The following MAPK14 variants were observed in gnomAD, a reference collection of about 807,000 sequenced individuals.
MAPK14 encodes the protein CSAID-binding protein.
In MAPK14, 16 loss-of-function variants were observed where a neutral mutation model predicts 49.6. The ratio of observed to expected loss-of-function variants is 0.32; its 90% CI spans 0.22 to 0.49. MAPK14 has a LOEUF of 0.49. MAPK14 is among the 20% of genes least tolerant of loss of function. The probability of loss-of-function intolerance (pLI) is 0.99; values close to 1 mark genes in which losing one functional copy is unlikely to be tolerated. For missense variants in MAPK14, 200 were observed against 441.2 expected, an observed-to-expected ratio of 0.45 and a Z score of 4.90; for synonymous variants, 142 against 158.0, an observed-to-expected ratio of 0.90 and a Z score of 0.76.
At chr6:36,044,766 T>C (rs888895062) in intron 1 of MAPK14, among the ~76,000 whole-genome samples, 2 of 152,110 alleles carry the variant, frequency 1.3e-5, no homozygotes, top group Non-Finnish European at 2.9e-5. Context: ...CCAGTCATCT[T>C]TGGAGGATTG....
chr6:36,119,554 T>C, the MAPK14 span, among the ~76,000 whole-genome samples: 12 of 152,310 alleles, frequency 7.9e-5, no homozygotes, highest in Non-Finnish European at 1.8e-4. Context: ...CTGCAGTATG[T>C]ATTCATGCAA....
At chr6:36,055,956 G>A (rs913114988) in intron 2 of MAPK14, among the ~76,000 whole-genome samples, 5 of 152,044 alleles carry the variant, frequency 3.3e-5, no homozygotes, top group Non-Finnish European at 5.9e-5. Context: ...CTTTGATTTA[G>A]CATGGGTAGT....
chr6:36,067,460 T>A (rs184283691), intron 3 of MAPK14, among the ~76,000 whole-genome samples: 5 of 151,192 alleles, frequency 3.3e-5, no homozygotes, highest in African/African-American at 1.2e-4. Flanking sequence ...AGTGATAGAA[T>A]GAGTGAATAA....
In MAPK14 at chr6:36,076,387, A is replaced by G; in HGVS notation, c.611-150A>G. The G allele has an allele frequency of 6.1e-6, 4 of 656,422 alleles. No individual in the cohort carries two copies. The South Asian group carries it at 7.5e-5, about 12-fold the overall frequency. The allele number at this position is 656,422 out of a possible 1,614,324, so 40.7% of individuals were successfully genotyped here. On this transcript the variant is annotated intron_variant, in intron 7 of 11. Transcript: ENST00000229794. Reference sequence around the variant, plus strand: ...AGTCAGGTGAAGATCTTAGTAAGCTATTTATTTCTGTAAAAATGAGTATGA... The same window carrying G: ...AGTCAGGTGAAGATCTTAGTAAGCTGTTTATTTCTGTAAAAATGAGTATGA...
intron 8 of MAPK14, among the ~76,000 whole-genome samples, chr6:36,079,705 C>G (rs555210636): frequency 2.0e-5 from 3 of 152,026 alleles, no homozygotes; most frequent in Non-Finnish European, 4.4e-5. Flanking sequence ...GTGGTTTGGG[C>G]TTGTAAGTAA....
At chr6:36,093,132 G>A (rs1307411756) in intron 8 of MAPK14, among the ~76,000 whole-genome samples, 1 of 152,144 alleles carries the variant, frequency 6.6e-6, no homozygotes, top group East Asian at 1.9e-4. Flanking sequence ...TGGTTTATGA[G>A]TACATAAATA....
Position 36,076,353 on chromosome 6 carries a change from C to T in MAPK14, c.611-184C>T, listed in dbSNP as rs372079027. On this transcript the variant is annotated intron_variant, in intron 7 of 11. Transcript: ENST00000229794. ...TGTTTTGACTTACCCCACCTTTGAACAGCCCTTTAGTCAGGTGAAGATCTT... is the reference window on the plus strand; with the variant it reads ...TGTTTTGACTTACCCCACCTTTGAATAGCCCTTTAGTCAGGTGAAGATCTT... Among the ~76,000 whole-genome samples, 180 of 152,292 alleles carry T rather than the reference C, an allele frequency of 1.2e-3. 3 individuals carry two copies. The South Asian group carries it at 0.036, about 30-fold the overall frequency.
chr6:36,093,457 C>T (rs369993416), intron 8 of MAPK14, among the ~76,000 whole-genome samples: 7 of 152,140 alleles, frequency 4.6e-5, no homozygotes, highest in Non-Finnish European at 7.4e-5. Context: ...CGGTGGCTCA[C>T]GCCTGTAATC....
intron 9 of MAPK14, 71 bp from the exon 10 acceptor site, chr6:36,102,500 G>T: frequency 8.5e-7 from 1 of 1,178,308 alleles, no homozygotes; most frequent in South Asian, 1.2e-5. Flanking sequence ...TCCTTAGCAG[G>T]ACCAAGATTC....
chr6:36,057,971 A>AT (rs1373788875), intron 2 of MAPK14, among the ~76,000 whole-genome samples: 1 of 152,176 alleles, frequency 6.6e-6, no homozygotes, highest in Non-Finnish European at 1.5e-5. Flanking sequence ...CTTTGTAGAA[A>AT]TGAATGGCCT....
At chr6:36,071,582 T>C (rs1456657802) in intron 3 of MAPK14, among the ~76,000 whole-genome samples, 1 of 152,134 alleles carries the variant, frequency 6.6e-6, no homozygotes, top group Non-Finnish European at 1.5e-5. Context: ...CTCCTTCCTT[T>C]AAGGTAAATG....
At chr6:36,065,519 T>TGTGTGTGTGTGTGTGTGTGA (rs1764017812) in intron 3 of MAPK14, among the ~76,000 whole-genome samples, 5 of 150,216 alleles carry the variant, frequency 3.3e-5, no homozygotes, top group African/African-American at 1.2e-4. Flanking sequence ...TGTGTGTGTG[T>TGTGTGTGTGTGTGTGTGTGA]GTGTGTGTGT....
the MAPK14 span, among the ~76,000 whole-genome samples, chr6:36,117,079 G>A: frequency 1.3e-5 from 2 of 152,290 alleles, no homozygotes; most frequent in South Asian, 4.1e-4. Flanking sequence ...CCAAATTGGG[G>A]AGGAGTCCCT....
chr6:36,030,327 A>G (rs1308871229), intron 1 of MAPK14, among the ~76,000 whole-genome samples: 1 of 152,226 alleles, frequency 6.6e-6, no homozygotes, highest in East Asian at 1.9e-4. Context: ...ACTTAAAAGT[A>G]CTTTTATTTT....
chr6:36,074,933 T>A (rs1439536689), intron 6 of MAPK14, among the ~76,000 whole-genome samples: 7 of 151,212 alleles, frequency 4.6e-5, no homozygotes, highest in African/African-American at 1.5e-4. Context: ...TGGATTACTT[T>A]AAAAAGTTTA....
the MAPK14 span, among the ~76,000 whole-genome samples, chr6:36,117,699 G>A: frequency 6.6e-6 from 1 of 152,200 alleles, no homozygotes; most frequent in South Asian, 2.1e-4. Context: ...GTGGGGCTGT[G>A]AGGACTAAAT....
intron 8 of MAPK14, 160 bp downstream of exon 8, chr6:36,076,768 T>C: frequency 2.1e-6 from 1 of 476,246 alleles, no homozygotes; most frequent in Non-Finnish European, 3.7e-6. Flanking sequence ...GTAGCTTGCC[T>C]TGCCAAGAAA....
chr6:36,099,972 T>C (rs1765576436), intron 9 of MAPK14, among the ~76,000 whole-genome samples: 1 of 152,182 alleles, frequency 6.6e-6, no homozygotes, highest in Admixed American at 6.5e-5. Flanking sequence ...AAGTAATTTT[T>C]CTTATCTGCA....
intron 8 of MAPK14, among the ~76,000 whole-genome samples, chr6:36,090,631 T>TTC (rs1312649790): frequency 6.6e-6 from 1 of 151,942 alleles, no homozygotes; most frequent in Non-Finnish European, 1.5e-5. Flanking sequence ...GTTCAAGCGA[T>TTC]TCTCCCTGCC....
Sources: allele counts gnomAD v4.1 joint callset (sites outside exome capture counted in the v4.1 genomes callset), GRCh38; gene constraint gnomAD v4.1.1; transcripts MANE v1.5; gene names NCBI Gene and HGNC (gene_info 2026-07-23, HGNC 2026-07-21).